TAF1C: variants seen among roughly 807,000 people sequenced by gnomAD.
TAF1C encodes the protein TATA-box binding protein associated factor, RNA polymerase I subunit C, also known as TATA box-binding protein-associated factor RNA polymerase I subunit C.
In TAF1C, 79 loss-of-function variants were observed where a neutral mutation model predicts 70.5. The ratio of observed to expected loss-of-function variants is 1.12; its 90% CI spans 0.93 to 1.35. The LOEUF (loss-of-function observed/expected upper bound fraction) is 1.35, where lower values mean the gene tolerates loss of function less well. Ranked by LOEUF, TAF1C falls within the 40% of genes most tolerant of loss-of-function variation. The pLI is 0.00. For synonymous variants in TAF1C, 614 were observed against 491.1 expected (o/e 1.25, Z -3.31); for missense variants, 1,412 against 1,127.8 (o/e 1.25, Z -3.61).
At chr16:84,180,443 CCT>C in intron 12 of TAF1C, 99 bp from the exon 13 acceptor site, 1 of 1,253,438 alleles carries the variant, frequency 8.0e-7, no homozygotes, top group Non-Finnish European at 1.1e-6. Context: ...AGTGCAGAGC[CCT>C]GAGGGGCAGC....
chr16:84,182,013 A>G lies in TAF1C; in HGVS notation c.767T>C (p.Leu256Pro). ...GAGCTGGATGCGTCCAGGTTTCCCA[A>G]GGAATTGGGGATTGTCACCTGGGGT... ...VLTPGDNPQFLGKPGRIQLQG... is the reference protein window; with the variant it reads ...VLTPGDNPQFPGKPGRIQLQG... The change falls in exon 8 of 15, where the codon CTT becomes CCT. Residue 256 changes from leucine to proline, a missense_variant. Transcript: ENST00000566732. The surrounding 1 kb of genome is among the most constrained non-coding windows in gnomAD (Gnocchi z 5.0). 1 of 1,613,596 alleles carries G rather than the reference A, an allele frequency of 6.2e-7. No homozygotes were observed. Among genetic ancestry groups the G allele is most frequent in the South Asian group, 1.1e-5 (1 of 91,080 alleles).
intron 2 of TAF1C, 145 bp downstream of exon 2, chr16:84,184,706 C>T (rs1157080286): frequency 2.8e-6 from 3 of 1,067,438 alleles, no homozygotes; most frequent in African/African-American, 1.6e-5. Context: ...CCATGTACCC[C>T]AGAGGAGGTG....
At chr16:84,186,128 CT>C (rs1486194133) in intron 1 of TAF1C, among the ~76,000 whole-genome samples, 1 of 152,262 alleles carries the variant, frequency 6.6e-6, no homozygotes, top group African/African-American at 2.4e-5. Context: ...TCAGCAAGAA[CT>C]TTAGTCCAAC....
chr16:84,182,143 AGC>A lies in TAF1C; in HGVS notation c.721+57_721+58del, dbSNP rs1172141629. ...CTGCCCTTCTCTGGACCATGCCAAG[AGC>A]ACCTCCTCTACCAGAGGCGAGCCCG... On this transcript the variant is annotated intron_variant, in intron 7 of 14. Coordinates refer to ENST00000566732, the MANE Select transcript of TAF1C (RefSeq NM_001243156.2). The surrounding 1 kb of genome is among the most constrained non-coding windows in gnomAD (Gnocchi z 5.0). 6.9e-6 allele frequency: 11 copies of A among 1,590,436 alleles called. No individual in the cohort carries two copies. The highest frequency in any genetic ancestry group is 9.4e-6 in the Non-Finnish European group (11 of 1,166,820).
rs1390020433 is a variant in TAF1C at position 84,179,304 on chromosome 16, C to A, written c.2169G>T (p.Arg723=). The change falls in exon 15 of 15, where the codon CGG becomes CGT. Residue 723 remains arginine (R), a synonymous_variant. Transcript: ENST00000566732. ...RTSEPGRQTR[R]PKRRTQLSSS... ...TGGACAGCTGGGTCCGGCGCTTGGGCCGCCTGGTCTGTCTCCCGGGCTCCG... is the reference window on the plus strand; with the variant it reads ...TGGACAGCTGGGTCCGGCGCTTGGGACGCCTGGTCTGTCTCCCGGGCTCCG... The A allele has an allele frequency of 1.3e-6, 2 of 1,596,814 alleles. No homozygotes were observed. Among genetic ancestry groups the A allele is most frequent in the South Asian group, 1.1e-5 (1 of 90,254 alleles).
intron 4 of TAF1C, 38 bp downstream of exon 4, chr16:84,183,372 C>A: frequency 6.2e-7 from 1 of 1,613,782 alleles, no homozygotes; most frequent in Non-Finnish European, 8.5e-7. Context: ...AGCACAGTCT[C>A]CAGGCTACGC....
Position 84,181,054 on chromosome 16 carries a change from C to G in TAF1C, c.1297G>C (p.Val433Leu). Reference protein sequence around the residue: ...PKCLPPTLHLVCTQFSLYLVD... With the variant: ...PKCLPPTLHLLCTQFSLYLVD... ...TGTGTGCCACTCACCTGGGTACAGACGAGATGAAGAGTAGGGGGGAGGCAT... is the reference window on the plus strand; with the variant it reads ...TGTGTGCCACTCACCTGGGTACAGAGGAGATGAAGAGTAGGGGGGAGGCAT... Residue 433 changes from valine to leucine, a missense_variant, in exon 12 of 15, where the codon GTC (valine) becomes CTC (leucine). Val to Leu is a conservative substitution (Grantham distance 32). Transcript: ENST00000566732. 1.2e-6 allele frequency: 2 copies of G among 1,609,158 alleles called. No homozygotes were observed. The highest frequency in any genetic ancestry group is 1.7e-6 in the Non-Finnish European group (2 of 1,176,234).
intron 8 of TAF1C, 39 bp downstream of exon 8, chr16:84,181,903 T>A: frequency 3.1e-6 from 5 of 1,614,016 alleles, no homozygotes; most frequent in Non-Finnish European, 4.2e-6. Flanking sequence ...AGGTAGCAGG[T>A]CAGCCAGTGA....
intron 1 of TAF1C, among the ~76,000 whole-genome samples, chr16:84,186,162 G>C (rs1321971367): frequency 6.6e-6 from 1 of 152,242 alleles, no homozygotes; most frequent in Non-Finnish European, 1.5e-5. Context: ...CCACAGCCAA[G>C]ACTTGATTCC....
Position 84,179,844 on chromosome 16 carries a change from A to G in TAF1C, c.1629T>C (p.Ala543=), listed in dbSNP as rs2089023038. 2 of 1,606,836 alleles carry G rather than the reference A, an allele frequency of 1.2e-6. No homozygotes were observed. The highest frequency in any genetic ancestry group is 4.5e-5 in the East Asian group (2 of 44,666). ...ERLKAPTIGL[A]AVVPPLPSAP... is the part of the protein sequence containing the mutation. ...CTGAGGGCAAGGGCGGGACGACGGC[A>G]GCCAGACCTGGTGACGGGAATGACA... The change falls in exon 15 of 15, where the codon GCT becomes GCC. Residue 543 remains alanine (A), a synonymous_variant. Transcript: ENST00000566732.
rs769990555 is a variant in TAF1C, at chr16:84,178,982, TAG to T, written c.2489_2490del (p.Ser830Ter). 1.6e-5 allele frequency: 26 copies of T among 1,610,816 alleles called. No homozygotes were observed. Among genetic ancestry groups the T allele is most frequent in the African/African-American group, 4.0e-5 (3 of 74,936 alleles). ...GGCTTCTTCCGGAGGGGCTGAGAGCTAGAGAGGACGGGTGTGTGCTGCTGGGA... is the reference window on the plus strand; with the variant it reads ...GGCTTCTTCCGGAGGGGCTGAGAGCTAGAGGACGGGTGTGTGCTGCTGGGA... ...TRSQQHTPVL[S>X]SSQPLRKKPR... On this transcript the variant is annotated frameshift_variant, in exon 15 of 15. Coordinates refer to ENST00000566732, the MANE Select transcript of TAF1C (RefSeq NM_001243156.2). LOFTEE classifies it high-confidence loss of function.
chr16:84,181,495 G>A lies in TAF1C; in HGVS notation c.1029-32C>T, dbSNP rs199535928. 32 of 1,613,704 alleles carry A rather than the reference G, an allele frequency of 2.0e-5. No individual in the cohort carries two copies. The Middle Eastern group carries it at 6.6e-4, about 33-fold the overall frequency. ...GAGACAGGCAAGCCGTGGGCAGGGG[G>A]ACAGGCTGATGGGGAAGGGGCTCAA... On this transcript the variant is annotated intron_variant, in intron 10 of 14. Coordinates refer to ENST00000566732, the MANE Select transcript of TAF1C (RefSeq NM_001243156.2).
rs376395325 is a variant in TAF1C, at chr16:84,179,172, C to T, written c.2301G>A (p.Pro767=). The T allele has an allele frequency of 1.6e-5, 24 of 1,539,866 alleles. No homozygotes were observed. Among genetic ancestry groups the T allele is most frequent in the South Asian group, 5.6e-5 (5 of 89,402 alleles). ...ADALPLPPTT[P]PSQELTPDAC... ...CATCCGGAGTCAACTCCTGGGAGGG[C>T]GGGGTCGTGGGGGGCAGGGGCAGAG... Residue 767 remains proline, a synonymous_variant, in exon 15 of 15, where the codon CCG becomes CCA. Coordinates refer to ENST00000566732, the MANE Select transcript of TAF1C (RefSeq NM_001243156.2).
In TAF1C at chr16:84,179,948, A is replaced by G. The variant is rs539139538; in HGVS notation, c.1619T>C (p.Ile540Thr). The change falls in exon 14 of 15, where the codon ATA becomes ACA. Residue 540 changes from isoleucine (I) to threonine (T), a missense_variant and splice_region_variant. Coordinates refer to ENST00000566732, the MANE Select transcript of TAF1C (RefSeq NM_001243156.2). ...RLQERLKAPT[I>T]GLAAVVPPLP... ...GCTCACTCCCCCACCCAGCACACCT[A>G]TGGTCGGTGCTTTCAGGCGCTCCTG... The G allele has an allele frequency of 5.0e-6, 8 of 1,612,216 alleles. No homozygotes were observed. The African/African-American group carries it at 5.3e-5, about 11-fold the overall frequency.
In TAF1C at chr16:84,179,281, G is replaced by C; in HGVS notation, c.2192C>G (p.Ser731Cys). The change falls in exon 15 of 15, where the codon TCC becomes TGC. Residue 731 changes from serine (S) to cysteine (C), a missense_variant. Physicochemically the swap from Ser to Cys is moderately radical, Grantham distance 112. Coordinates refer to ENST00000566732, the MANE Select transcript of TAF1C (RefSeq NM_001243156.2). ...TRRPKRRTQL[S>C]SSFSLSGHVD... Reference sequence around the variant, plus strand: ...ATGGCCACTGAGCGAAAAGCTGCTGGACAGCTGGGTCCGGCGCTTGGGCCG... The same window carrying C: ...ATGGCCACTGAGCGAAAAGCTGCTGCACAGCTGGGTCCGGCGCTTGGGCCG... 1.3e-6 allele frequency: 2 copies of C among 1,590,634 alleles called. No homozygotes were observed. The highest frequency in any genetic ancestry group is 1.7e-6 in the Non-Finnish European group (2 of 1,174,516).
intron 1 of TAF1C, chr16:84,185,304 C>T (rs935383930): frequency 5.2e-4 from 115 of 222,018 alleles, no homozygotes; most frequent in Middle Eastern, 3.2e-3. Flanking sequence ...GAACCATGTA[C>T]GCAACTGGGA....
rs2089285209 is a variant in TAF1C, at chr16:84,182,936, G to A, written c.482+140C>T. 2.5e-6 allele frequency: 2 copies of A among 800,454 alleles called. No homozygotes were observed. The highest frequency in any genetic ancestry group is 2.6e-5 in the East Asian group (1 of 38,896). The allele number at this position is 800,454 out of a possible 1,614,324, so 49.6% of individuals were successfully genotyped here. A position where few individuals can be genotyped will look rare whatever the true frequency, so the allele number is the denominator to read the frequency against. ...GAGATGATTTGGAGTTGGAAGTCTG[G>A]TATAAGAAAGTACAGCTCAGACTGC... On this transcript the variant is annotated intron_variant, in intron 6 of 14. Transcript: ENST00000566732. This position sits in a 1 kb window ranked among gnomAD's most constrained non-coding sequence, Gnocchi z 5.0.
intron 1 of TAF1C, chr16:84,185,580 T>C (rs2089436499): frequency 6.6e-6 from 1 of 151,926 alleles, no homozygotes; most frequent in African/African-American, 2.4e-5. Flanking sequence ...TCCCAGAAAA[T>C]GCACTAGGGG....
chr16:84,179,314 T>C lies in TAF1C; in HGVS notation c.2159A>G (p.Gln720Arg). ...QQGRTSEPGR[Q>R]TRRPKRRTQL... ...GGTCCGGCGCTTGGGCCGCCTGGTC[T>C]GTCTCCCGGGCTCCGAGGTCCTGCC... The change falls in exon 15 of 15, where the codon CAG becomes CGG. Residue 720 changes from glutamine (Q) to arginine (R), a missense_variant. Gln to Arg is a conservative substitution (Grantham distance 43). Coordinates refer to ENST00000566732, the MANE Select transcript of TAF1C (RefSeq NM_001243156.2). 1 of 1,599,710 alleles carries C rather than the reference T, an allele frequency of 6.3e-7. No homozygotes were observed. Among genetic ancestry groups the C allele is most frequent in the African/African-American group, 1.3e-5 (1 of 75,008 alleles).
Sources: allele counts gnomAD v4.1 joint callset (sites outside exome capture counted in the v4.1 genomes callset), GRCh38; gene constraint gnomAD v4.1.1; non-coding constraint Gnocchi (gnomAD v3.1); transcripts MANE v1.5; gene names NCBI Gene and HGNC (gene_info 2026-07-23, HGNC 2026-07-21).